The following FAM124A variants were observed in gnomAD, a reference collection of about 807,000 sequenced individuals.
FAM124A encodes the protein family with sequence similarity 124 member A, also known as protein FAM124A.
A neutral mutation model predicts 24.5 loss-of-function variants in FAM124A; 23 were observed. That is an observed-to-expected ratio of 0.94 (90% confidence interval 0.68 to 1.33). FAM124A has a LOEUF of 1.33. Ranked by LOEUF, FAM124A falls within the 40% of genes most tolerant of loss-of-function variation. The pLI is 0.00. For synonymous variants in FAM124A, 287 were observed against 314.7 expected, an observed-to-expected ratio of 0.91 and a Z score of 0.93; for missense variants, 623 against 722.8, an observed-to-expected ratio of 0.86 and a Z score of 1.58.
chr13:51,236,862 T>C (rs1312827039), intron 2 of FAM124A, among the ~76,000 whole-genome samples: 1 of 152,236 alleles, frequency 6.6e-6, no homozygotes, highest in Non-Finnish European at 1.5e-5. Context: ...TTTTCTTCTG[T>C]GTAAAATACT....
At chr13:51,228,403 T>A (rs934988923) in intron 1 of FAM124A, among the ~76,000 whole-genome samples, 3 of 152,178 alleles carry the variant, frequency 2.0e-5, no homozygotes, top group Admixed American at 1.3e-4. Context: ...TTTGGAAATG[T>A]GTCTATATTT....
intron 3 of FAM124A, among the ~76,000 whole-genome samples, chr13:51,266,088 T>G (rs1317017202): frequency 6.6e-6 from 1 of 152,202 alleles, no homozygotes; most frequent in Admixed American, 6.5e-5. Context: ...TGTTGTTCTT[T>G]AACACTTTCG....
At chr13:51,228,307 A>G (rs1954337754) in intron 1 of FAM124A, among the ~76,000 whole-genome samples, 1 of 152,176 alleles carries the variant, frequency 6.6e-6, no homozygotes, top group East Asian at 1.9e-4. Flanking sequence ...ACCTCTATGT[A>G]ATCCCTATAT....
intron 3 of FAM124A, among the ~76,000 whole-genome samples, chr13:51,278,139 C>T (rs943398612): frequency 6.6e-6 from 1 of 152,178 alleles, no homozygotes; most frequent in Non-Finnish European, 1.5e-5. Flanking sequence ...AAGAAAGGAA[C>T]GAGTACATCG....
Position 51,238,919 on chromosome 13 carries a change from G to A in FAM124A, c.100+7540G>A, listed in dbSNP as rs143825610. Among the ~76,000 whole-genome samples the A allele has an allele frequency of 2.2e-3, 331 of 152,278 alleles. 1 individual carries two copies. The highest frequency in any genetic ancestry group is 0.01 in the Middle Eastern group (3 of 294). On this transcript the variant is annotated intron_variant, in intron 2 of 3. Coordinates refer to ENST00000322475, the MANE Select transcript of FAM124A (RefSeq NM_001242312.2). The stretch of plus-strand genomic sequence containing the variant: ...AACTCCTTTGATGCTTTGCTACGCT[G>A]GCATCCATTTCCAAAAAAAATATGG...
chr13:51,271,305 A>G (rs1161157779), intron 3 of FAM124A, among the ~76,000 whole-genome samples: 2 of 152,180 alleles, frequency 1.3e-5, no homozygotes, highest in Non-Finnish European at 2.9e-5. Context: ...CCAGAATCAC[A>G]GATTTTTGGA....
intron 1 of FAM124A, among the ~76,000 whole-genome samples, chr13:51,228,441 T>C (rs1183426157): frequency 6.6e-6 from 1 of 152,226 alleles, no homozygotes; most frequent in Non-Finnish European, 1.5e-5. Context: ...ACATAATTTT[T>C]GTATTATTCT....
chr13:51,249,087 G>A (rs528884542), intron 2 of FAM124A, among the ~76,000 whole-genome samples: 23 of 152,132 alleles, frequency 1.5e-4, no homozygotes, highest in African/African-American at 4.1e-4. Flanking sequence ...AATTCCCCAC[G>A]GCCCCCTTCC....
chr13:51,229,185 A>G (rs1363064197), intron 1 of FAM124A, among the ~76,000 whole-genome samples: 1 of 152,226 alleles, frequency 6.6e-6, no homozygotes, highest in Non-Finnish European at 1.5e-5. Flanking sequence ...GTTGGACAGC[A>G]GAGCTGGGCC....
At position 51,225,933 on chromosome 13, in the gene FAM124A, G is replaced by A. The variant is rs550938984; in HGVS notation, c.68+3364G>A. The stretch of plus-strand genomic sequence containing the variant: ...GATTCTATAGAAGGGGGAAGGAGAA[G>A]GAGGAGAAAAGATGATAATCTGTAA... On this transcript the variant is annotated intron_variant, in intron 1 of 3. Coordinates refer to ENST00000322475, the MANE Select transcript of FAM124A (RefSeq NM_001242312.2). Among the ~76,000 whole-genome samples the A allele has an allele frequency of 4.8e-5, 7 of 146,750 alleles. No individual in the cohort carries two copies. The East Asian group carries it at 1.5e-3, about 31-fold the overall frequency.
At chr13:51,269,703 C>G (rs796749710) in intron 3 of FAM124A, among the ~76,000 whole-genome samples, 7 of 152,280 alleles carry the variant, frequency 4.6e-5, no homozygotes, top group African/African-American at 1.7e-4. Flanking sequence ...ATTTGCTAGA[C>G]TTATTAATAG....
chr13:51,243,694 C>T (rs184135239), intron 2 of FAM124A, among the ~76,000 whole-genome samples: 26 of 152,182 alleles, frequency 1.7e-4, no homozygotes, highest in Admixed American at 4.6e-4. Context: ...CCACCACACC[C>T]GGCTAATTTT....
At chr13:51,245,344 CTGTTCCTTT>C in intron 2 of FAM124A, 2 of 696,128 alleles carry the variant, frequency 2.9e-6, no homozygotes, top group Non-Finnish European at 5.3e-6. Flanking sequence ...GCCATGTTGC[CTGTTCCTTT>C]ACTGTACACA....
At chr13:51,253,306 CAT>C (rs1412078817) in intron 3 of FAM124A, 1 of 152,314 alleles carries the variant, frequency 6.6e-6, no homozygotes, top group East Asian at 1.9e-4. Flanking sequence ...GAATTTGGCA[CAT>C]GTCAGATAAC....
intron 2 of FAM124A, among the ~76,000 whole-genome samples, chr13:51,243,905 G>A (rs765522237): frequency 6.9e-4 from 105 of 152,268 alleles, no homozygotes; most frequent in Middle Eastern, 3.4e-3. Context: ...GTGACGCACC[G>A]TCTCACCTGA....
At chr13:51,267,770 CT>C (rs1468345883) in intron 3 of FAM124A, among the ~76,000 whole-genome samples, 1 of 152,182 alleles carries the variant, frequency 6.6e-6, no homozygotes, top group Non-Finnish European at 1.5e-5. Context: ...CACCGGTCAG[CT>C]CCAGATTGTG....
chr13:51,269,544 T>C (rs1486977790), intron 3 of FAM124A, among the ~76,000 whole-genome samples: 1 of 152,238 alleles, frequency 6.6e-6, no homozygotes, highest in African/African-American at 2.4e-5. Flanking sequence ...TTACAAGAGT[T>C]ACTTAAGTAC....
chr13:51,277,628 A>G (rs1246214138), intron 3 of FAM124A, among the ~76,000 whole-genome samples: 3 of 152,208 alleles, frequency 2.0e-5, no homozygotes, highest in Admixed American at 2.0e-4. Context: ...CCTTGTCTCT[A>G]CTAAAAATAC....
intron 3 of FAM124A, among the ~76,000 whole-genome samples, chr13:51,264,318 C>T (rs1408683413): frequency 1.3e-5 from 2 of 152,214 alleles, no homozygotes; most frequent in African/African-American, 2.4e-5. Context: ...TTCCATTATC[C>T]TGTAGGATTC....
Sources: allele counts gnomAD v4.1 joint callset (sites outside exome capture counted in the v4.1 genomes callset), GRCh38; gene constraint gnomAD v4.1.1; transcripts MANE v1.5; gene names NCBI Gene and HGNC (gene_info 2026-07-23, HGNC 2026-07-21).